Variants in VKORC1L1 observed in about 807,000 individuals in gnomAD.
VKORC1L1 encodes vitamin K epoxide reductase complex subunit 1L1.
A neutral mutation model predicts 18.9 loss-of-function variants in VKORC1L1; 2 were observed. That is an observed-to-expected ratio of 0.11 (90% confidence interval 0.04 to 0.33). The LOEUF (loss-of-function observed/expected upper bound fraction) is 0.33. Ranked by LOEUF, VKORC1L1 falls within the 10% of genes least tolerant of loss-of-function variation. VKORC1L1 has a pLI of 1.00. For synonymous variants in VKORC1L1, 96 were observed against 100.0 expected, an observed-to-expected ratio of 0.96 and a Z score of 0.24; for missense variants, 123 against 224.1, an observed-to-expected ratio of 0.55 and a Z score of 2.88.
chr7:65,929,263 A>AG (rs1303695409), intron 1 of VKORC1L1, among the ~76,000 whole-genome samples: 1 of 152,106 alleles, frequency 6.6e-6, no homozygotes, highest in Non-Finnish European at 1.5e-5. Flanking sequence ...ACCAAAAAAA[A>AG]TTAGCTGGGT....
intron 1 of VKORC1L1, among the ~76,000 whole-genome samples, chr7:65,873,904 G>A (rs936402975): frequency 1.3e-5 from 2 of 152,102 alleles, no homozygotes; most frequent in Non-Finnish European, 1.5e-5. Flanking sequence ...GCGGAGGGTG[G>A]GTCCAGGCTG....
At chr7:65,929,870 C>T (rs1789831570) in intron 1 of VKORC1L1, among the ~76,000 whole-genome samples, 1 of 151,540 alleles carries the variant, frequency 6.6e-6, no homozygotes, top group Admixed American at 6.6e-5. Flanking sequence ...GTGCAGAGAT[C>T]AATCTGAGGA....
rs546873103 is a variant in VKORC1L1, at chr7:65,900,394, C to CA, written c.194+26842dup. The stretch of plus-strand genomic sequence containing the variant: ...TGGGTGACAGAGCGAGGCTCTATCT[C>CA]AAAAAAAAAAAAAGAAAATATAGAA... On this transcript the variant is annotated intron_variant, in intron 1 of 2. Coordinates refer to ENST00000360768, the MANE Select transcript of VKORC1L1 (RefSeq NM_173517.6). Among the ~76,000 whole-genome samples the CA allele has an allele frequency of 6.7e-3, 795 of 118,658 alleles. 6 individuals carry two copies. The highest frequency in any genetic ancestry group is 0.011 in the Non-Finnish European group (610 of 55,784). The allele number at this position is 118,658 out of a possible 152,430, so 77.8% of individuals were successfully genotyped here.
chr7:65,901,415 T>G (rs1190975718), intron 1 of VKORC1L1, among the ~76,000 whole-genome samples: 1 of 152,198 alleles, frequency 6.6e-6, no homozygotes, highest in African/African-American at 2.4e-5. Context: ...GCGATATGTA[T>G]TCTGTCCAGC....
intron 2 of VKORC1L1, among the ~76,000 whole-genome samples, chr7:65,953,844 G>T (rs947972737): frequency 6.6e-6 from 1 of 152,178 alleles, no homozygotes; most frequent in Non-Finnish European, 1.5e-5. Context: ...CAGCCTGGGC[G>T]GTAGAGTGAG....
chr7:65,897,832 G>A (rs1208412468), intron 1 of VKORC1L1, among the ~76,000 whole-genome samples: 1 of 151,752 alleles, frequency 6.6e-6, no homozygotes, highest in Non-Finnish European at 1.5e-5. Context: ...TAAAAATAGT[G>A]TGTATACATC....
intron 1 of VKORC1L1, among the ~76,000 whole-genome samples, chr7:65,920,061 T>C (rs1789650480): frequency 1.3e-5 from 2 of 152,100 alleles, no homozygotes; most frequent in Admixed American, 1.3e-4. Context: ...TACATTTGCT[T>C]GCTCTGTTCC....
intron 1 of VKORC1L1, among the ~76,000 whole-genome samples, chr7:65,879,474 T>C (rs1413796797): frequency 2.6e-5 from 4 of 152,182 alleles, no homozygotes; most frequent in African/African-American, 7.2e-5. Flanking sequence ...ATGTTTTGCA[T>C]ACATTATTGA....
At chr7:65,893,123 G>A (rs1240116708) in intron 1 of VKORC1L1, among the ~76,000 whole-genome samples, 1 of 152,212 alleles carries the variant, frequency 6.6e-6, no homozygotes, top group Non-Finnish European at 1.5e-5. Context: ...ATATCCAACA[G>A]TGCCACTCTT....
At chr7:65,952,968 G>A (rs1304359662) in intron 2 of VKORC1L1, among the ~76,000 whole-genome samples, 4 of 150,438 alleles carry the variant, frequency 2.7e-5, no homozygotes, top group East Asian at 3.9e-4. Flanking sequence ...TTTTTCTCTT[G>A]TACTTTTTAG....
Position 65,898,077 on chromosome 7 carries a change from G to GTTTT in VKORC1L1, c.194+24538_194+24541dup, listed in dbSNP as rs71051319. 1.4e-3 allele frequency among the ~76,000 whole-genome samples: 113 copies of GTTTT among 83,004 alleles called. 10 individuals carry two copies. The highest frequency in any genetic ancestry group is 3.3e-3 in the East Asian group (8 of 2,456). 54.5% of individuals were successfully genotyped at this position (83,004 alleles called of 152,430 possible). A position where few individuals can be genotyped will look rare whatever the true frequency, so the allele number is the denominator to read the frequency against. ...CAGTCATACAGTAAATTTGTAGCAG[G>GTTTT]TTTTTTTTTTTTTTTTTTTTTTTTT... On this transcript the variant is annotated intron_variant, in intron 1 of 2. Transcript: ENST00000360768.
rs932107110 is a variant in VKORC1L1, at chr7:65,954,683, A to T, written c.*383A>T. On this transcript the variant is annotated 3_prime_UTR_variant, in exon 3 of 3. Coordinates refer to ENST00000360768, the MANE Select transcript of VKORC1L1 (RefSeq NM_173517.6). ...ACAAATGTGATCATGACATGAAAAT[A>T]TTCTAGAATAGATACTGTATTAAAT... 1.2e-5 allele frequency: 3 copies of T among 250,486 alleles called. No individual in the cohort carries two copies. The highest frequency in any genetic ancestry group is 2.3e-5 in the Non-Finnish European group (3 of 132,524). The allele number at this position is 250,486 out of a possible 1,614,324, so 15.5% of individuals were successfully genotyped here. A position where few individuals can be genotyped will look rare whatever the true frequency, so the allele number is the denominator to read the frequency against.
At chr7:65,952,572 A>C (rs1583870656) in intron 2 of VKORC1L1, among the ~76,000 whole-genome samples, 1 of 151,172 alleles carries the variant, frequency 6.6e-6, no homozygotes, top group African/African-American at 2.4e-5. Flanking sequence ...TCTTTAACTG[A>C]CTTCTTTATA....
chr7:65,927,016 G>A (rs1371123411), intron 1 of VKORC1L1, among the ~76,000 whole-genome samples: 1 of 152,162 alleles, frequency 6.6e-6, no homozygotes, highest in Non-Finnish European at 1.5e-5. Context: ...GCCAGGCATG[G>A]TGGCTCACGC....
intron 1 of VKORC1L1, among the ~76,000 whole-genome samples, chr7:65,903,798 A>C (rs1378903646): frequency 2.0e-5 from 3 of 150,350 alleles, no homozygotes; most frequent in Non-Finnish European, 4.4e-5. Context: ...AAAAAGGCCT[A>C]CTGGAACTTG....
chr7:65,890,124 A>ATTTTTTTTT (rs35228954), intron 1 of VKORC1L1, among the ~76,000 whole-genome samples: 1 of 90,474 alleles, frequency 1.1e-5, no homozygotes, highest in Non-Finnish European at 2.2e-5. Context: ...CACCTGGGTA[A>ATTTTTTTTT]TTTTTTTTTT....
chr7:65,873,717 G>A (rs1221835667), intron 1 of VKORC1L1, 152 bp downstream of exon 1: 1 of 760,906 alleles, frequency 1.3e-6, no homozygotes, highest in Non-Finnish European at 1.7e-6. Context: ...CAGGCGGGGG[G>A]CGGCGGCGGG....
rs138837535 is a variant in VKORC1L1 at position 65,884,248 on chromosome 7, A to C, written c.194+10683A>C. On this transcript the variant is annotated intron_variant, in intron 1 of 2. Coordinates refer to ENST00000360768, the MANE Select transcript of VKORC1L1 (RefSeq NM_173517.6). The stretch of plus-strand genomic sequence containing the variant: ...CTATGAAGTGTACCAGTACATGTAA[A>C]TAGTCCTGGTGTCTGGCATAAAGGT... Among the ~76,000 whole-genome samples, 515 of 152,308 alleles carry C rather than the reference A, an allele frequency of 3.4e-3. 3 individuals are homozygous for C. Among genetic ancestry groups the C allele is most frequent in the African/African-American group, 0.012 (493 of 41,570 alleles).
intron 1 of VKORC1L1, among the ~76,000 whole-genome samples, chr7:65,906,474 T>C (rs761997261): frequency 6.6e-6 from 1 of 152,124 alleles, no homozygotes. Flanking sequence ...CTCTAGACAT[T>C]TTTGACTTAC....
Sources: gnomAD v4.1 joint callset for allele counts (sites outside exome capture counted in the v4.1 genomes callset) on GRCh38, gnomAD v4.1.1 for gene constraint, MANE v1.5 for transcripts, NCBI Gene and HGNC (gene_info 2026-07-23, HGNC 2026-07-21) for gene names.